Variants in NKTR observed in about 807,000 individuals in gnomAD.
The protein encoded by NKTR is natural killer cell triggering receptor.
A neutral mutation model predicts 156.3 loss-of-function variants in NKTR; 67 were observed. That is an observed-to-expected ratio of 0.43 (90% CI 0.35 to 0.53). The LOEUF (loss-of-function observed/expected upper bound fraction) is 0.53, where lower values mean the gene tolerates loss of function less well. NKTR is among the 20% of genes least tolerant of loss of function. NKTR has a pLI of 0.01. For synonymous variants in NKTR, 640 were observed against 596.6 expected (o/e 1.07, Z -1.06); for missense variants, 1,604 against 1,730.9 (o/e 0.93, Z 1.30).
chr3:42,627,850 C>T, intron 6 of NKTR: 1 of 985,322 alleles, frequency 1.0e-6, no homozygotes, highest in Non-Finnish European at 1.2e-6. Context: ...CATTGCACAG[C>T]TCTTTAAACA....
intron 5 of NKTR, 36 bp from the exon 6 acceptor site, chr3:42,621,393 A>T (rs1577483928): frequency 1.3e-6 from 2 of 1,586,420 alleles, no homozygotes; most frequent in African/African-American, 1.4e-5. Context: ...GTGACTTATA[A>T]TTGGAGACTG....
At chr3:42,613,513 A>G (rs1707044570) in intron 2 of NKTR, among the ~76,000 whole-genome samples, 1 of 152,312 alleles carries the variant, frequency 6.6e-6, no homozygotes, top group Admixed American at 6.5e-5. Flanking sequence ...AACCTCTGCA[A>G]CATTTTTCTA....
chr3:42,619,859 G>C, intron 5 of NKTR, 151 bp downstream of exon 5: 1 of 1,434,866 alleles, frequency 7.0e-7, no homozygotes, highest in Non-Finnish European at 9.1e-7. Flanking sequence ...TGAATTTGGG[G>C]ATAAATTATA....
chr3:42,604,313 C>T (rs1211146693), intron 2 of NKTR, among the ~76,000 whole-genome samples: 1 of 151,298 alleles, frequency 6.6e-6, no homozygotes, highest in Non-Finnish European at 1.5e-5. Flanking sequence ...CTAATGCTTG[C>T]TTCAATTTTT....
intron 15 of NKTR, 26 bp from the exon 16 acceptor site, chr3:42,643,876 A>C (rs1710127770): frequency 1.3e-6 from 2 of 1,538,868 alleles, no homozygotes; most frequent in African/African-American, 2.7e-5. Flanking sequence ...GGGAAAATTT[A>C]GTGTTTGTTG....
rs201064472 is a variant in NKTR at position 42,603,209 on chromosome 3, A to AT, written c.58+2154dup. ...AGCAAGACCCTGTCTACAAAAAACAATTTTTTTTTAATTAGCCAGGCATGG... is the reference window on the plus strand; with the variant it reads ...AGCAAGACCCTGTCTACAAAAAACAATTTTTTTTTTAATTAGCCAGGCATGG... On this transcript the variant is annotated intron_variant, in intron 2 of 16. Transcript: ENST00000232978. Among the ~76,000 whole-genome samples the AT allele has an allele frequency of 3.4e-3, 510 of 150,636 alleles. 2 individuals carry two copies. The highest frequency in any genetic ancestry group is 5.0e-3 in the Non-Finnish European group (338 of 67,572).
At chr3:42,601,159 G>C in intron 2 of NKTR, 95 bp downstream of exon 2, 1 of 1,019,558 alleles carries the variant, frequency 9.8e-7, no homozygotes. Context: ...GCCTTTTTGG[G>C]AGCGGGTAGG....
chr3:42,639,261 A>G lies in NKTR; in HGVS notation c.3557A>G (p.Lys1186Arg). 6.2e-7 allele frequency: 1 copy of G among 1,614,196 alleles called. No individual in the cohort carries two copies. Among genetic ancestry groups the G allele is most frequent in the South Asian group, 1.1e-5 (1 of 91,090 alleles). The change falls in exon 13 of 17, where the codon AAA becomes AGA. Residue 1186 changes from lysine (K) to arginine (R), a missense_variant. Physicochemically the swap from Lys to Arg is conservative, Grantham distance 26. Around this residue, in one of 6 missense-constraint regions of NKTR, gnomAD observed 1,255 missense variants for 1,243.7 expected, o/e 1.01. Transcript: ENST00000232978. ...VKQESSMSES[K>R]VLGEVGKQDS... ...CAGGAAAGCAGCATGTCCGAAAGTA[A>G]AGTGTTGGGTGAAGTGGGGAAACAG... is the stretch of plus-strand genomic sequence containing the variant.
chr3:42,613,036 T>C (rs1038733413), intron 2 of NKTR, among the ~76,000 whole-genome samples: 6 of 152,178 alleles, frequency 3.9e-5, no homozygotes, highest in Non-Finnish European at 8.8e-5. Context: ...AAATATTTAT[T>C]GAGCACCTAA....
At position 42,643,347 on chromosome 3, in the gene NKTR, G is replaced by A. The variant is rs1455502697; in HGVS notation, c.4151G>A (p.Ser1384Asn). 2.5e-6 allele frequency: 4 copies of A among 1,614,020 alleles called. No individual in the cohort carries two copies. Among genetic ancestry groups the A allele is most frequent in the Non-Finnish European group, 2.5e-6 (3 of 1,179,884 alleles). ...YRSYKSHRTS[S>N]RSRSRSSSYD... is the part of the protein sequence containing the mutation. ...CATGTGATTAATATTAGGACGTCCA[G>A]CAGGAGCAGATCCAGGAGCAGCTCA... is the stretch of plus-strand genomic sequence containing the variant. Residue 1384 changes from serine to asparagine, a missense_variant, in exon 15 of 17, where the codon AGC becomes AAC. Ser to Asn is a conservative substitution (Grantham distance 46, BLOSUM62 1). This residue lies in a region of NKTR where 193 missense variants were observed against 220.2 expected (regional missense o/e 0.88). Coordinates refer to ENST00000232978, the MANE Select transcript of NKTR (RefSeq NM_005385.4).
chr3:42,638,447 A>G lies in NKTR; in HGVS notation c.2743A>G (p.Thr915Ala). The change falls in exon 13 of 17, where the codon ACA becomes GCA. Residue 915 changes from threonine (T) to alanine (A), a missense_variant. This residue lies in a region of NKTR where 1,255 missense variants were observed against 1,243.7 expected (regional missense o/e 1.01). Transcript: ENST00000232978. Reference sequence around the variant, plus strand: ...CTCTGACAAGGAAGAAGGTGAGGCCACATCCGATTCTGAATCAGAGGTTAG... The same window carrying G: ...CTCTGACAAGGAAGAAGGTGAGGCCGCATCCGATTCTGAATCAGAGGTTAG... ...PSSDKEEGEA[T>A]SDSESEVSEI... 1.2e-6 allele frequency: 2 copies of G among 1,612,626 alleles called. No homozygotes were observed. Among genetic ancestry groups the G allele is most frequent in the Non-Finnish European group, 1.7e-6 (2 of 1,179,582 alleles).
chr3:42,629,672 G>C (rs1708714040), intron 6 of NKTR: 1 of 977,826 alleles, frequency 1.0e-6, no homozygotes, highest in Non-Finnish European at 1.2e-6. Context: ...GATGCTTGTA[G>C]TATATAATTC....
intron 8 of NKTR, among the ~76,000 whole-genome samples, chr3:42,631,600 A>G (rs910547740): frequency 3.3e-5 from 5 of 152,332 alleles, no homozygotes; most frequent in South Asian, 2.1e-4. Context: ...GTCAGCAGCA[A>G]TAGCCTCCTA....
intron 2 of NKTR, among the ~76,000 whole-genome samples, chr3:42,613,589 A>G (rs1275693951): frequency 6.6e-6 from 1 of 152,214 alleles, no homozygotes; most frequent in Non-Finnish European, 1.5e-5. Context: ...TTTTTAAACC[A>G]TTGAATCTGC....
At chr3:42,619,731 C>G in intron 5 of NKTR, 23 bp downstream of exon 5, 1 of 1,607,142 alleles carries the variant, frequency 6.2e-7, no homozygotes, top group East Asian at 2.2e-5. Flanking sequence ...ATTTTACGGT[C>G]TTTTGTTTCA....
intron 2 of NKTR, among the ~76,000 whole-genome samples, chr3:42,606,359 T>A (rs894024848): frequency 2.0e-5 from 3 of 152,240 alleles, no homozygotes; most frequent in African/African-American, 7.2e-5. Flanking sequence ...CTGTATTTGT[T>A]AAGTATATAT....
At chr3:42,612,646 A>G (rs1364148640) in intron 2 of NKTR, among the ~76,000 whole-genome samples, 1 of 152,194 alleles carries the variant, frequency 6.6e-6, no homozygotes, top group African/African-American at 2.4e-5. Context: ...AGGGATATGT[A>G]TTCAAATAGA....
intron 8 of NKTR, among the ~76,000 whole-genome samples, chr3:42,632,138 C>A (rs1708975076): frequency 7.0e-6 from 1 of 143,454 alleles, no homozygotes; most frequent in Admixed American, 7.3e-5. Context: ...GGCACTATCT[C>A]GGCTCACTGC....
In NKTR at chr3:42,642,521, G is replaced by T. The variant is rs200156302; in HGVS notation, c.4067G>T (p.Ser1356Ile). Residue 1356 changes from serine (S) to isoleucine (I), a missense_variant, in exon 14 of 17, where the codon AGT (serine) becomes ATT (isoleucine). Around this residue, in one of 6 missense-constraint regions of NKTR, gnomAD observed 193 missense variants for 220.2 expected, o/e 0.88. Transcript: ENST00000232978. ...SSYRSRSYSR[S>I]RSRGWYSRGR... ...TGTAGATCAAGAAGCTACTCTAGAAGTCGGAGCAGAGGATGGTACAGCAGA... is the reference window on the plus strand; with the variant it reads ...TGTAGATCAAGAAGCTACTCTAGAATTCGGAGCAGAGGATGGTACAGCAGA... 4 of 1,613,554 alleles carry T rather than the reference G, an allele frequency of 2.5e-6. No homozygotes were observed. In the African/African-American group the frequency reaches 4.0e-5, roughly 16 times the overall value.
Sources: allele counts gnomAD v4.1 joint callset (sites outside exome capture counted in the v4.1 genomes callset), GRCh38; gene constraint gnomAD v4.1.1; regional missense constraint gnomAD v4.1.1; transcripts MANE v1.5; gene names NCBI Gene and HGNC (gene_info 2026-07-23, HGNC 2026-07-21).